MEI4: variants seen among roughly 807,000 people sequenced by gnomAD.
The protein encoded by MEI4 is meiosis-specific protein MEI4.
In MEI4, 27 loss-of-function variants were observed where a neutral mutation model predicts 31.4. That is an observed-to-expected ratio of 0.86 (90% CI 0.63 to 1.19). The LOEUF (loss-of-function observed/expected upper bound fraction) is 1.19. Ranked by LOEUF, MEI4 falls within the 50% of genes most tolerant of loss-of-function variation. The pLI is 0.00. For missense variants in MEI4, 329 were observed against 398.9 expected (o/e 0.82, Z 1.49); for synonymous variants, 122 against 145.4 (o/e 0.84, Z 1.16).
intron 2 of MEI4, among the ~76,000 whole-genome samples, chr6:77,741,961 A>G (rs1425702450): frequency 6.6e-6 from 1 of 151,826 alleles, no homozygotes; most frequent in Non-Finnish European, 1.5e-5. Context: ...ATCATTTTTT[A>G]TGGCTGCATA....
chr6:77,823,935 T>C (rs958103919), intron 3 of MEI4, among the ~76,000 whole-genome samples: 21 of 152,218 alleles, frequency 1.4e-4, no homozygotes, highest in African/African-American at 5.1e-4. Flanking sequence ...GTAATAGTTA[T>C]GTTTCCTTAA....
At chr6:77,657,282 A>G (rs1768414220) in intron 1 of MEI4, among the ~76,000 whole-genome samples, 1 of 152,242 alleles carries the variant, frequency 6.6e-6, no homozygotes, top group Admixed American at 6.5e-5. Context: ...GAATAGTTCA[A>G]GTGGGCTGAG....
At chr6:77,895,845 C>T (rs1766072984) in intron 4 of MEI4, among the ~76,000 whole-genome samples, 1 of 151,988 alleles carries the variant, frequency 6.6e-6, no homozygotes, top group Admixed American at 6.6e-5. Flanking sequence ...CTGAGTTAGT[C>T]CTTAGAGAAT....
At chr6:77,892,093 GC>G in intron 4 of MEI4, among the ~76,000 whole-genome samples, 1 of 152,304 alleles carries the variant, frequency 6.6e-6, no homozygotes, top group Non-Finnish European at 1.5e-5. Flanking sequence ...CAGGCATATT[GC>G]TTGTGTGTTG....
At chr6:77,658,679 T>A (rs1302976660) in intron 1 of MEI4, among the ~76,000 whole-genome samples, 1 of 151,962 alleles carries the variant, frequency 6.6e-6, no homozygotes, top group Non-Finnish European at 1.5e-5. Flanking sequence ...AGAAGAAACA[T>A]TTGTTGTATA....
intron 4 of MEI4, among the ~76,000 whole-genome samples, chr6:77,848,390 G>T (rs1770537014): frequency 6.6e-6 from 1 of 152,198 alleles, no homozygotes; most frequent in Non-Finnish European, 1.5e-5. Flanking sequence ...GATGATGGCA[G>T]CATGGGAAGC....
intron 2 of MEI4, among the ~76,000 whole-genome samples, chr6:77,738,537 G>A (rs1306262252): frequency 6.6e-6 from 1 of 152,088 alleles, no homozygotes; most frequent in Non-Finnish European, 1.5e-5. Flanking sequence ...ATTGTAAATA[G>A]TGCTGCAATA....
At chr6:77,710,167 G>C (rs898011779) in intron 2 of MEI4, among the ~76,000 whole-genome samples, 13 of 152,176 alleles carry the variant, frequency 8.5e-5, no homozygotes, top group African/African-American at 3.1e-4. Flanking sequence ...CTTTTTAACA[G>C]TAAATACCAT....
At chr6:77,730,705 C>T (rs1278198009) in intron 2 of MEI4, among the ~76,000 whole-genome samples, 1 of 151,752 alleles carries the variant, frequency 6.6e-6, no homozygotes, top group Non-Finnish European at 1.5e-5. Flanking sequence ...TATACATGTG[C>T]CATGCTGGTG....
At chr6:77,697,290 A>C (rs1430273780) in intron 2 of MEI4, among the ~76,000 whole-genome samples, 3 of 151,818 alleles carry the variant, frequency 2.0e-5, no homozygotes, top group South Asian at 2.1e-4. Context: ...GATTTTAGTT[A>C]TTTCTTGCCT....
chr6:77,882,998 G>A (rs1170612593), intron 4 of MEI4, among the ~76,000 whole-genome samples: 3 of 151,980 alleles, frequency 2.0e-5, no homozygotes, highest in Non-Finnish European at 2.9e-5. Context: ...AACTTACTAT[G>A]GACATTTTTT....
intron 2 of MEI4, among the ~76,000 whole-genome samples, chr6:77,749,971 T>C (rs1263711799): frequency 6.6e-6 from 1 of 152,156 alleles, no homozygotes; most frequent in Non-Finnish European, 1.5e-5. Context: ...TATTCAACAT[T>C]CTTAAAGAAA....
At chr6:77,795,367 G>A (rs1277690557) in intron 3 of MEI4, among the ~76,000 whole-genome samples, 3 of 151,966 alleles carry the variant, frequency 2.0e-5, no homozygotes, top group African/African-American at 7.2e-5. Flanking sequence ...CTCTGTTAGA[G>A]GCAGCCTTCT....
intron 3 of MEI4, among the ~76,000 whole-genome samples, chr6:77,800,337 A>G (rs1464379369): frequency 6.6e-6 from 1 of 152,128 alleles, no homozygotes; most frequent in Non-Finnish European, 1.5e-5. Context: ...ATTTTTGCAC[A>G]TTGATTTTGT....
Position 77,794,319 on chromosome 6 carries a change from T to C in MEI4, c.768+32654T>C, listed in dbSNP as rs977273028. Among the ~76,000 whole-genome samples, 5 of 152,140 alleles carry C rather than the reference T, an allele frequency of 3.3e-5. No homozygotes were observed. The East Asian group carries it at 9.6e-4, about 29-fold the overall frequency. On this transcript the variant is annotated intron_variant, in intron 3 of 4. Coordinates refer to ENST00000684080, the MANE Select transcript of MEI4 (RefSeq NM_001322247.2). The stretch of plus-strand genomic sequence containing the variant: ...TGGCTGAAGCCTGTAATCCCAGCAC[T>C]TTGGGAGGCCGAGGCGGGTGGATCA...
At chr6:77,883,898 C>G (rs542810038) in intron 4 of MEI4, among the ~76,000 whole-genome samples, 1 of 151,128 alleles carries the variant, frequency 6.6e-6, no homozygotes, top group Non-Finnish European at 1.5e-5. Context: ...AATGGTATTG[C>G]AGGATTTCAT....
Position 77,913,405 on chromosome 6 carries a change from T to C in MEI4, c.901-9684T>C, listed in dbSNP as rs138230874. 3.3e-3 allele frequency among the ~76,000 whole-genome samples: 495 copies of C among 152,302 alleles called. 1 individual carries two copies. Among genetic ancestry groups the C allele is most frequent in the African/African-American group, 0.012 (484 of 41,584 alleles). On this transcript the variant is annotated intron_variant, in intron 4 of 4. Transcript: ENST00000684080. ...TTGGTAGAGTTCAACAGTGAAGCCATCCAGTCCTGAACTTTTTGTGTTGTT... is the reference window on the plus strand; with the variant it reads ...TTGGTAGAGTTCAACAGTGAAGCCACCCAGTCCTGAACTTTTTGTGTTGTT...
chr6:77,667,466 C>G (rs941098031), intron 1 of MEI4, among the ~76,000 whole-genome samples: 3 of 152,148 alleles, frequency 2.0e-5, no homozygotes, highest in Non-Finnish European at 4.4e-5. Context: ...GAATTAATCA[C>G]TCCTGTCTGT....
In MEI4 at chr6:77,904,015, A is replaced by G. The variant is rs184094198; in HGVS notation, c.901-19074A>G. Among the ~76,000 whole-genome samples, 296 of 152,204 alleles carry G rather than the reference A, an allele frequency of 1.9e-3. 2 individuals carry two copies. The highest frequency in any genetic ancestry group is 6.0e-3 in the Admixed American group (92 of 15,258). ...TATTTTTTATCCATTCAGCCACTCA[A>G]TGTTTTTGGATTGGAGAACTTAATC... On this transcript the variant is annotated intron_variant, in intron 4 of 4. Coordinates refer to ENST00000684080, the MANE Select transcript of MEI4 (RefSeq NM_001322247.2).
Sources: gnomAD v4.1 joint callset for allele counts (sites outside exome capture counted in the v4.1 genomes callset) on GRCh38, gnomAD v4.1.1 for gene constraint, MANE v1.5 for transcripts, NCBI Gene and HGNC (gene_info 2026-07-23, HGNC 2026-07-21) for gene names.